LBP: variants seen among roughly 807,000 people sequenced by gnomAD.
LBP encodes the protein lipopolysaccharide-binding protein.
Under a neutral mutation model 56.6 loss-of-function variants are expected in LBP, and 53 were observed. That is an observed-to-expected ratio of 0.94 (90% confidence interval 0.75 to 1.18). LBP has a LOEUF of 1.18. Ranked by LOEUF, LBP falls within the 50% of genes most tolerant of loss-of-function variation. The pLI, the probability that LBP is intolerant of heterozygous loss-of-function variation, is 0.00. For synonymous variants in LBP, 227 were observed against 247.5 expected, an observed-to-expected ratio of 0.92 and a Z score of 0.78; for missense variants, 601 against 598.3, an observed-to-expected ratio of 1.00 and a Z score of -0.05.
At chr20:38,353,971 AT>A (rs534487197) in intron 3 of LBP, among the ~76,000 whole-genome samples, 9 of 149,058 alleles carry the variant, frequency 6.0e-5, no homozygotes, top group East Asian at 2.0e-4. Flanking sequence ...TCATACTGCA[AT>A]TTTTTTTTTA....
At chr20:38,352,831 A>G (rs749508113) in intron 3 of LBP, among the ~76,000 whole-genome samples, 8 of 113,100 alleles carry the variant, frequency 7.1e-5, no homozygotes, top group Non-Finnish European at 1.2e-4. Context: ...ATTATTTATT[A>G]TAAATAAATA....
At chr20:38,374,118 C>A in intron 14 of LBP, 105 bp downstream of exon 14, 2 of 1,160,666 alleles carry the variant, frequency 1.7e-6, no homozygotes. Flanking sequence ...AGCCCTGCAG[C>A]TGGGAAAGTC....
intron 10 of LBP, among the ~76,000 whole-genome samples, chr20:38,369,851 T>C (rs11698149): frequency 0.082 from 12,491 of 152,172 alleles, 523 homozygotes; most frequent in South Asian, 0.15. Context: ...GCGTTAAACA[T>C]TGAGAGTCAG....
chr20:38,359,606 A>C (rs1281012885), intron 5 of LBP, among the ~76,000 whole-genome samples: 7 of 152,178 alleles, frequency 4.6e-5, no homozygotes, highest in Non-Finnish European at 1.0e-4. Flanking sequence ...AACAAAAAAA[A>C]AAACTCTTTT....
intron 14 of LBP, 30 bp from the exon 15 acceptor site, chr20:38,376,595 T>C: frequency 5.0e-6 from 8 of 1,600,506 alleles, no homozygotes; most frequent in Non-Finnish European, 6.0e-6. Flanking sequence ...GGATGCTCTT[T>C]ACCATCCTGT....
intron 6 of LBP, among the ~76,000 whole-genome samples, chr20:38,362,090 G>A (rs867349034): frequency 3.3e-4 from 42 of 128,222 alleles, no homozygotes; most frequent in Non-Finnish European, 5.2e-4. Flanking sequence ...ACGGAGTCTC[G>A]CTCTGTTGCC....
intron 5 of LBP, among the ~76,000 whole-genome samples, chr20:38,359,137 A>AT (rs1178123094): frequency 1.3e-5 from 2 of 151,728 alleles, no homozygotes; most frequent in East Asian, 1.9e-4. Context: ...GATCTTTATG[A>AT]TTTTTTTTCC....
rs1484969015 is a variant in LBP at position 38,364,599 on chromosome 20, C to T, written c.768C>T (p.His256=). 1.9e-6 allele frequency: 3 copies of T among 1,614,198 alleles called. No individual in the cohort carries two copies. Among genetic ancestry groups the T allele is most frequent in the Non-Finnish European group, 1.7e-6 (2 of 1,180,030 alleles). ...AGGGTGAAATCTTTCATCGTAACCACCGTTCTCCAGTTACCCTCCTTGCTG... is the reference window on the plus strand; with the variant it reads ...AGGGTGAAATCTTTCATCGTAACCATCGTTCTCCAGTTACCCTCCTTGCTG... ...MFKGEIFHRN[H]RSPVTLLAAV... The change falls in exon 8 of 15, where the codon CAC becomes CAT. Residue 256 remains histidine, a synonymous_variant. Coordinates refer to ENST00000217407, the MANE Select transcript of LBP (RefSeq NM_004139.5).
intron 10 of LBP, 131 bp downstream of exon 10, chr20:38,369,293 G>A: frequency 1.1e-6 from 1 of 922,302 alleles, no homozygotes; most frequent in Non-Finnish European, 1.6e-6. Context: ...TACTTCCCGA[G>A]AGAGGGCTTT....
rs117749036 is a variant in LBP, at chr20:38,349,712, C to G, written c.239+50C>G. The G allele has an allele frequency of 2.5e-4, 339 of 1,333,536 alleles. 1 individual carries two copies. The East Asian group carries it at 4.2e-3, about 16-fold the overall frequency. The allele number at this position is 1,333,536 out of a possible 1,614,324, so 82.6% of individuals were successfully genotyped here. A position where few individuals can be genotyped will look rare whatever the true frequency, so the allele number is the denominator to read the frequency against. ...CTCTGAAGTGGCTGGAGCTGGCTGT[C>G]AGGGGGAATTGGAGAGTGAGGAAGA... On this transcript the variant is annotated intron_variant, in intron 2 of 14. Transcript: ENST00000217407.
At chr20:38,362,926 C>G (rs2122613501) in intron 6 of LBP, among the ~76,000 whole-genome samples, 1 of 152,176 alleles carries the variant, frequency 6.6e-6, no homozygotes, top group African/African-American at 2.4e-5. Flanking sequence ...CCAGCCTGGG[C>G]CACAGAGTGA....
intron 9 of LBP, 42 bp from the exon 10 acceptor site, chr20:38,368,953 A>G (rs771554998): frequency 6.3e-7 from 1 of 1,599,060 alleles, no homozygotes; most frequent in Non-Finnish European, 8.6e-7. Context: ...GCAGACTTGT[A>G]TATTTTCTTC....
intron 6 of LBP, among the ~76,000 whole-genome samples, chr20:38,363,356 C>T (rs1481551984): frequency 6.6e-6 from 1 of 152,182 alleles, no homozygotes; most frequent in Admixed American, 6.5e-5. Context: ...CACTGATGGA[C>T]ATTTAGGTGC....
intron 5 of LBP, among the ~76,000 whole-genome samples, chr20:38,358,885 T>A (rs2122607107): frequency 6.6e-6 from 1 of 152,152 alleles, no homozygotes; most frequent in Middle Eastern, 3.4e-3. Flanking sequence ...ACAAAGAAAA[T>A]ATTGACGTAT....
At chr20:38,359,598 CA>C (rs111643275) in intron 5 of LBP, among the ~76,000 whole-genome samples, 39,349 of 146,728 alleles carry the variant, frequency 0.27, 6,571 homozygotes, top group African/African-American at 0.49. Context: ...CAAACAACAA[CA>C]AAAAAAAAAA....
chr20:38,362,302 C>T (rs1364962657), intron 6 of LBP, among the ~76,000 whole-genome samples: 1 of 145,702 alleles, frequency 6.9e-6, no homozygotes, highest in Non-Finnish European at 1.5e-5. Context: ...CCTCGTGATC[C>T]GCCCGCTCGG....
chr20:38,366,398 T>C (rs1411735035), intron 8 of LBP, among the ~76,000 whole-genome samples: 1 of 152,158 alleles, frequency 6.6e-6, no homozygotes, highest in Admixed American at 6.5e-5. Context: ...GGCCTCACAG[T>C]GACTCGAAGG....
chr20:38,349,544 A>G lies in LBP; in HGVS notation c.125-4A>G, dbSNP rs1258846368. 4 of 1,592,926 alleles carry G rather than the reference A, an allele frequency of 2.5e-6. No individual in the cohort carries two copies. Among genetic ancestry groups the G allele is most frequent in the Non-Finnish European group, 3.4e-6 (4 of 1,169,678 alleles). On this transcript the variant is annotated splice_polypyrimidine_tract_variant and splice_region_variant and intron_variant, in intron 1 of 14. Transcript: ENST00000217407. ...GCTGACTCCCAGCTATTTCCTTTCC[A>G]CAGCGGCCCAGGAGGGGCTATTAGC...
Position 38,346,499 on chromosome 20 carries a change from C to T in LBP, c.-18C>T. ...CCACAGCTGGGACAGTCCTGGCCCA[C>T]TGCACTGGGAATCTAGGATGGGGGC... is the stretch of plus-strand genomic sequence containing the variant. On this transcript the variant is annotated 5_prime_UTR_variant, in exon 1 of 15. Transcript: ENST00000217407. 2 of 1,613,074 alleles carry T rather than the reference C, an allele frequency of 1.2e-6. No individual in the cohort carries two copies. Among genetic ancestry groups the T allele is most frequent in the East Asian group, 2.2e-5 (1 of 44,862 alleles).
Sources: gnomAD v4.1 joint callset for allele counts (sites outside exome capture counted in the v4.1 genomes callset) on GRCh38, gnomAD v4.1.1 for gene constraint, MANE v1.5 for transcripts, NCBI Gene and HGNC (gene_info 2026-07-23, HGNC 2026-07-21) for gene names.